Variants in CCDC57 observed in about 807,000 individuals in gnomAD.
CCDC57 encodes coiled-coil domain-containing protein 57.
Under a neutral mutation model 118.9 loss-of-function variants are expected in CCDC57, and 118 were observed. The ratio of observed to expected loss-of-function variants is 0.99; its 90% CI spans 0.86 to 1.16. CCDC57 has a LOEUF of 1.16. Among genes scored for constraint, CCDC57 ranks in the 50% most tolerant of loss-of-function variants. CCDC57 has a pLI of 0.00. For synonymous variants in CCDC57, 527 were observed against 532.9 expected (o/e 0.99, Z 0.15); for missense variants, 1,300 against 1,320.7 (o/e 0.98, Z 0.24).
chr17:82,127,022 A>C, intron 19 of CCDC57: 1 of 985,370 alleles, frequency 1.0e-6, no homozygotes. Context: ...TTCTCGCTAC[A>C]TCACAGACCC....
intron 19 of CCDC57, among the ~76,000 whole-genome samples, chr17:82,103,563 C>G (rs937151285): frequency 6.6e-6 from 1 of 152,268 alleles, no homozygotes; most frequent in African/African-American, 2.4e-5. Context: ...TGACCAGGCC[C>G]TAGTGCTCCA....
chr17:82,123,025 C>T (rs772166138), intron 19 of CCDC57, among the ~76,000 whole-genome samples: 3 of 152,030 alleles, frequency 2.0e-5, no homozygotes, highest in African/African-American at 7.2e-5. Flanking sequence ...TGACCTTCAC[C>T]TTGCAAAAAA....
At position 82,172,730 on chromosome 17, in the gene CCDC57, C is replaced by T. The variant is rs757131998; in HGVS notation, c.1637G>A (p.Ser546Asn). The T allele has an allele frequency of 5.6e-6, 9 of 1,598,552 alleles. No individual in the cohort carries two copies. ...CTGGATGGGAGGAGGAATCTGATGG[C>T]TTAGAGCCTCCATTTCTTTCCTCAT... Residue 546 changes from serine (S) to asparagine (N), a missense_variant, in exon 12 of 20, where the codon AGC becomes AAC. Ser to Asn is a conservative substitution (Grantham distance 46). Coordinates refer to ENST00000665763, the Ensembl canonical transcript of CCDC57. The surrounding 1 kb of genome is among the most constrained non-coding windows in gnomAD (Gnocchi z 5.2).
chr17:82,184,267 A>G (rs943441378), intron 8 of CCDC57, among the ~76,000 whole-genome samples: 5 of 151,788 alleles, frequency 3.3e-5, no homozygotes, highest in African/African-American at 1.2e-4. Flanking sequence ...GAGGCATGAC[A>G]TGCCTCCCAT....
chr17:82,208,922 G>T (rs937204730), intron 1 of CCDC57, among the ~76,000 whole-genome samples: 2 of 152,166 alleles, frequency 1.3e-5, no homozygotes, highest in African/African-American at 4.8e-5. Flanking sequence ...AGGATGGAGT[G>T]CAGTGGCACA....
At chr17:82,151,003 A>G (rs1361649581) in intron 16 of CCDC57, among the ~76,000 whole-genome samples, 19 of 99,386 alleles carry the variant, frequency 1.9e-4, no homozygotes, top group South Asian at 4.5e-4. Flanking sequence ...AACCAGGCAC[A>G]CACCCAGAAC....
At chr17:82,152,390 C>A in intron 15 of CCDC57, 1 of 154,842 alleles carries the variant, frequency 6.5e-6, no homozygotes, top group Non-Finnish European at 1.4e-5. Context: ...GCAGGGGGAG[C>A]ACAAAGGCAG....
chr17:82,162,439 G>A (rs2043460569), intron 14 of CCDC57, among the ~76,000 whole-genome samples: 1 of 152,224 alleles, frequency 6.6e-6, no homozygotes, highest in African/African-American at 2.4e-5. Context: ...GCAGGAGTAG[G>A]ACCCGACCCC....
intron 2 of CCDC57, among the ~76,000 whole-genome samples, chr17:82,202,553 C>T (rs1376648618): frequency 2.6e-5 from 4 of 151,660 alleles, no homozygotes; most frequent in African/African-American, 4.9e-5. Context: ...AGTTTGAGAC[C>T]GGCCTGGCCA....
intron 16 of CCDC57, among the ~76,000 whole-genome samples, chr17:82,144,959 C>T (rs1432278801): frequency 6.6e-6 from 1 of 151,406 alleles, no homozygotes; most frequent in Non-Finnish European, 1.5e-5. Context: ...AAATTTAAAA[C>T]AGGAAATCCT....
intron 19 of CCDC57, 148 bp from the exon 19 acceptor site, chr17:82,102,014 C>T (rs1024356560): frequency 2.7e-6 from 2 of 748,446 alleles, no homozygotes; most frequent in African/African-American, 3.6e-5. Flanking sequence ...CTCCAGGAGT[C>T]CGTGAAGGCC....
chr17:82,126,982 C>T (rs2037530722), intron 19 of CCDC57: 1 of 985,252 alleles, frequency 1.0e-6, no homozygotes, highest in South Asian at 4.7e-5. Context: ...ACTCCAGCTG[C>T]CTCGAAGCAG....
At chr17:82,168,029 AG>A (rs1273747487) in intron 13 of CCDC57, among the ~76,000 whole-genome samples, 1 of 152,240 alleles carries the variant, frequency 6.6e-6, no homozygotes, top group Non-Finnish European at 1.5e-5. Context: ...TTGTGTCTAA[AG>A]TACCTCCTTT....
rs112760540 is a variant in CCDC57, at chr17:82,180,087, G to A, written c.1212-898C>T. Among the ~76,000 whole-genome samples, 706 of 152,296 alleles carry A rather than the reference G, an allele frequency of 4.6e-3. 6 individuals carry two copies. The highest frequency in any genetic ancestry group is 0.016 in the African/African-American group (672 of 41,550). On this transcript the variant is annotated intron_variant, in intron 9 of 19. Coordinates refer to ENST00000665763, the Ensembl canonical transcript of CCDC57. ...ACTCTCCTGCTGGCCTCATTGCACCGGTAAACTTCAGGGAGTTCGAATGAT... is the reference window on the plus strand; with the variant it reads ...ACTCTCCTGCTGGCCTCATTGCACCAGTAAACTTCAGGGAGTTCGAATGAT...
intron 14 of CCDC57, among the ~76,000 whole-genome samples, chr17:82,160,873 C>CAAAAAAAA (rs55750984): frequency 1.6e-5 from 1 of 60,868 alleles, no homozygotes; most frequent in African/African-American, 6.8e-5. Context: ...GACTCTGTCT[C>CAAAAAAAA]AAAAAAAAAA....
In CCDC57 at chr17:82,113,188, T is replaced by A. The variant is rs1228321222; in HGVS notation, c.2900-11322A>T. The A allele has an allele frequency of 1.7e-5, 10 of 584,950 alleles. No homozygotes were observed. The Admixed American group carries it at 3.1e-4, about 18-fold the overall frequency. 36.2% of individuals were successfully genotyped at this position (584,950 alleles called of 1,614,324 possible). ...AGAAAGTTCCAAGACTGCCCTGTCC[T>A]TTCAGAAGCCACAGGTCATGATAAT... On this transcript the variant is annotated intron_variant, in intron 19 of 19. Transcript: ENST00000665763.
intron 19 of CCDC57, among the ~76,000 whole-genome samples, chr17:82,125,857 G>T (rs572853015): frequency 6.6e-6 from 1 of 152,154 alleles, no homozygotes; most frequent in Non-Finnish European, 1.5e-5. Context: ...GAGAGTGGCC[G>T]AACGAACCGT....
chr17:82,156,780 C>G (rs138990093), intron 15 of CCDC57: 1 of 152,588 alleles, frequency 6.6e-6, no homozygotes, highest in Admixed American at 6.5e-5. Flanking sequence ...TCTTGCCCAT[C>G]CCATGCCAAG....
chr17:82,150,101 C>CCACACAGAACCAGGCG (rs1262805706), intron 16 of CCDC57, among the ~76,000 whole-genome samples: 3 of 74,662 alleles, frequency 4.0e-5, no homozygotes, highest in Admixed American at 3.8e-4. Flanking sequence ...AGAACCTGAC[C>CCACACAGAACCAGGCG]CACACCCAGA....
Sources: gnomAD v4.1 joint callset for allele counts (sites outside exome capture counted in the v4.1 genomes callset) on GRCh38, gnomAD v4.1.1 for gene constraint, Gnocchi (gnomAD v3.1) non-coding constraint, MANE v1.5 for transcripts, NCBI Gene and HGNC (gene_info 2026-07-23, HGNC 2026-07-21) for gene names.